The following RTN4RL1 variants were observed in gnomAD, a reference collection of about 807,000 sequenced individuals.
RTN4RL1 encodes reticulon 4 receptor like 1.
In RTN4RL1, 7 loss-of-function variants were observed where a neutral mutation model predicts 25.6. The ratio of observed to expected loss-of-function variants is 0.27; its 90% CI spans 0.16 to 0.51. RTN4RL1 has a LOEUF of 0.51. Ranked by LOEUF, RTN4RL1 falls within the 20% of genes least tolerant of loss-of-function variation. The pLI is 0.97. For missense variants in RTN4RL1, 500 were observed against 615.6 expected (o/e 0.81, Z 1.99); for synonymous variants, 297 against 288.2 (o/e 1.03, Z -0.31).
intron 1 of RTN4RL1, among the ~76,000 whole-genome samples, chr17:1,939,920 T>C (rs1915406940): frequency 6.6e-6 from 1 of 152,184 alleles, no homozygotes; most frequent in Middle Eastern, 3.2e-3. Context: ...CCAGGCCTCA[T>C]GGGAGAGCCG....
At chr17:2,023,778 A>G (rs2067241047) in intron 1 of RTN4RL1, 1 of 147,632 alleles carries the variant, frequency 6.8e-6, no homozygotes, top group Middle Eastern at 3.3e-3. Flanking sequence ...GTCTGTTGCC[A>G]TGGAAACAGG....
At chr17:1,950,321 C>T (rs957859244) in intron 1 of RTN4RL1, among the ~76,000 whole-genome samples, 3 of 152,060 alleles carry the variant, frequency 2.0e-5, no homozygotes, top group Middle Eastern at 3.2e-3. Context: ...ACGGGGGTCA[C>T]GGGGCGGCTT....
intron 1 of RTN4RL1, among the ~76,000 whole-genome samples, chr17:2,007,980 G>A (rs1243812141): frequency 4.8e-5 from 7 of 145,042 alleles, no homozygotes; most frequent in Non-Finnish European, 1.1e-4. Context: ...ACAACAAAAA[G>A]CTGAGGCTTA....
chr17:1,951,163 G>A (rs1022973341), intron 1 of RTN4RL1, among the ~76,000 whole-genome samples: 2 of 151,816 alleles, frequency 1.3e-5, no homozygotes, highest in African/African-American at 4.8e-5. Context: ...TACTCGGGAG[G>A]CTGAGGCAGG....
In RTN4RL1 at chr17:1,939,225, CA is replaced by C. The variant is rs1567847537; in HGVS notation, c.14-1418del. On this transcript the variant is annotated intron_variant, in intron 1 of 1. Coordinates refer to ENST00000331238, the MANE Select transcript of RTN4RL1 (RefSeq NM_178568.4). ...AAAATTAGCCGGGCGTGGTGGCGCG[CA>C]CTTGTAGTCCCAGCTACTTGGGAGG... Among the ~76,000 whole-genome samples, 27 of 149,820 alleles carry C rather than the reference CA, an allele frequency of 1.8e-4. No individual in the cohort carries two copies. In the East Asian group the frequency reaches 4.0e-3, roughly 22 times the overall value.
intron 1 of RTN4RL1, among the ~76,000 whole-genome samples, chr17:1,946,872 G>C (rs1356485739): frequency 1.6e-5 from 1 of 63,996 alleles, no homozygotes; most frequent in African/African-American, 5.8e-5. Context: ...GTGCACGTGT[G>C]TCTGTGTCTC....
intron 1 of RTN4RL1, among the ~76,000 whole-genome samples, chr17:2,002,105 A>G (rs1243456610): frequency 1.3e-5 from 2 of 151,600 alleles, no homozygotes; most frequent in African/African-American, 2.4e-5. Flanking sequence ...AAAGAAATAC[A>G]TATTTATTAC....
chr17:1,965,620 A>G (rs1002561770), intron 1 of RTN4RL1, among the ~76,000 whole-genome samples: 22 of 152,056 alleles, frequency 1.4e-4, no homozygotes, highest in Admixed American at 1.3e-3. Flanking sequence ...AGGGCAGGCC[A>G]GGAGCCCCGA....
intron 1 of RTN4RL1, among the ~76,000 whole-genome samples, chr17:1,938,933 GT>G (rs1319156842): frequency 3.3e-5 from 5 of 151,942 alleles, no homozygotes; most frequent in Admixed American, 2.6e-4. Flanking sequence ...AGGCTCAGTA[GT>G]ACTCAGGAGG....
Position 2,022,417 on chromosome 17 carries a change from G to A in RTN4RL1, c.13+2436C>T, listed in dbSNP as rs188214459. Among the ~76,000 whole-genome samples the A allele has an allele frequency of 7.6e-3, 1,157 of 152,264 alleles. 7 individuals carry two copies. The highest frequency in any genetic ancestry group is 0.013 in the Non-Finnish European group (889 of 68,016). Reference sequence around the variant, plus strand: ...TCCTCCTACCTCGGCCTCCCAAAATGCTGGGATTACAGCCATGAGCCACCA... The same window carrying A: ...TCCTCCTACCTCGGCCTCCCAAAATACTGGGATTACAGCCATGAGCCACCA... On this transcript the variant is annotated intron_variant, in intron 1 of 1. Transcript: ENST00000331238.
Position 1,994,269 on chromosome 17 carries a change from T to C in RTN4RL1, c.13+30584A>G, listed in dbSNP as rs978677534. ...AAAGCGGCTTTCACTCCATCCCTTA[T>C]GGGGATAGTGAGGAGGGAGTCCAGG... On this transcript the variant is annotated intron_variant, in intron 1 of 1. Coordinates refer to ENST00000331238, the MANE Select transcript of RTN4RL1 (RefSeq NM_178568.4). This position sits in a 1 kb window ranked among gnomAD's most constrained non-coding sequence, Gnocchi z 4.3. Among the ~76,000 whole-genome samples, 6 of 151,774 alleles carry C rather than the reference T, an allele frequency of 4.0e-5. No individual in the cohort carries two copies. Among genetic ancestry groups the C allele is most frequent in the Admixed American group, 2.0e-4 (3 of 15,204 alleles).
In RTN4RL1 at chr17:1,935,951, C is replaced by T. The variant is rs1242901497; in HGVS notation, c.*545G>A. On this transcript the variant is annotated 3_prime_UTR_variant, in exon 2 of 2. Coordinates refer to ENST00000331238, the MANE Select transcript of RTN4RL1 (RefSeq NM_178568.4). ...CATCAGGAATGAGAGGCGCTACCCC[C>T]GAGGGAGGGGCTGAAGGTGGAGTAG... 1.5e-5 allele frequency: 15 copies of T among 985,540 alleles called. No individual in the cohort carries two copies. The highest frequency in any genetic ancestry group is 6.2e-5 in the Admixed American group (1 of 16,214). 61.0% of individuals were successfully genotyped at this position (985,540 alleles called of 1,614,324 possible). A position where few individuals can be genotyped will look rare whatever the true frequency, so the allele number is the denominator to read the frequency against.
chr17:1,946,649 AAT>A lies in RTN4RL1; in HGVS notation c.14-8843_14-8842del, dbSNP rs1222842492. Among the ~76,000 whole-genome samples the A allele has an allele frequency of 4.6e-5, 5 of 109,356 alleles. 1 individual carries two copies. Among genetic ancestry groups the A allele is most frequent in the South Asian group, 5.7e-4 (2 of 3,502 alleles). The allele number at this position is 109,356 out of a possible 152,430, so 71.7% of individuals were successfully genotyped here. ...ACGTGTGTCTGTGCATCTCTGTGTG[AAT>A]ATGTGTGTGTGCATGTGTGTCTGTG... On this transcript the variant is annotated intron_variant, in intron 1 of 1. Coordinates refer to ENST00000331238, the MANE Select transcript of RTN4RL1 (RefSeq NM_178568.4).
At chr17:1,952,031 A>G (rs1034761438) in intron 1 of RTN4RL1, among the ~76,000 whole-genome samples, 1 of 148,872 alleles carries the variant, frequency 6.7e-6, no homozygotes, top group Non-Finnish European at 1.5e-5. Flanking sequence ...GCTCTGCTCC[A>G]GGACCTGGGC....
chr17:1,939,385 A>AATAC (rs1915394682), intron 1 of RTN4RL1, among the ~76,000 whole-genome samples: 1 of 151,924 alleles, frequency 6.6e-6, no homozygotes, highest in Non-Finnish European at 1.5e-5. Flanking sequence ...TAAATAAATA[A>AATAC]ATAAATAAAA....
At chr17:2,009,342 C>T (rs984395937) in intron 1 of RTN4RL1, among the ~76,000 whole-genome samples, 1 of 152,082 alleles carries the variant, frequency 6.6e-6, no homozygotes, top group African/African-American at 2.4e-5. Context: ...CGCCTGTAAT[C>T]CCAGCACTTT....
intron 1 of RTN4RL1, among the ~76,000 whole-genome samples, chr17:1,942,408 G>C (rs530937110): frequency 4.6e-5 from 7 of 152,102 alleles, no homozygotes; most frequent in Non-Finnish European, 1.0e-4. Context: ...CAGATGGGGG[G>C]GCTCACTAGG....
chr17:1,999,013 G>A, intron 1 of RTN4RL1, among the ~76,000 whole-genome samples: 1 of 151,884 alleles, frequency 6.6e-6, no homozygotes, highest in African/African-American at 2.4e-5. Context: ...ACAGGGCGGG[G>A]ACCACTCCAC....
At chr17:1,959,945 C>A (rs1198608633) in intron 1 of RTN4RL1, among the ~76,000 whole-genome samples, 1 of 152,190 alleles carries the variant, frequency 6.6e-6, no homozygotes, top group East Asian at 1.9e-4. Flanking sequence ...AGTCCACCCG[C>A]CTGCCCGCCT....
Sources: allele counts gnomAD v4.1 joint callset (sites outside exome capture counted in the v4.1 genomes callset), GRCh38; gene constraint gnomAD v4.1.1; non-coding constraint Gnocchi (gnomAD v3.1); transcripts MANE v1.5; gene names NCBI Gene and HGNC (gene_info 2026-07-23, HGNC 2026-07-21).